Variants in PLEKHG1 observed in about 807,000 individuals in gnomAD.
PLEKHG1 encodes the protein pleckstrin homology domain-containing family G member 1.
PLEKHG1 carries 44 observed loss-of-function variants against 100.8 expected under a neutral mutation model. The ratio of observed to expected loss-of-function variants is 0.44; its 90% confidence interval spans 0.34 to 0.56. The LOEUF (loss-of-function observed/expected upper bound fraction) is 0.56, where lower values mean the gene tolerates loss of function less well. Ranked by LOEUF, PLEKHG1 falls within the 20% of genes least tolerant of loss-of-function variation. The pLI is 0.01. For synonymous variants in PLEKHG1, 640 were observed against 662.5 expected, an observed-to-expected ratio of 0.97 and a Z score of 0.52; for missense variants, 1,545 against 1,720.9, an observed-to-expected ratio of 0.90 and a Z score of 1.81.
At chr6:150,704,899 T>TAG (rs1463241413) in intron 3 of PLEKHG1, among the ~76,000 whole-genome samples, 4 of 152,210 alleles carry the variant, frequency 2.6e-5, no homozygotes, top group Non-Finnish European at 4.4e-5. Context: ...GGCTTTTGCA[T>TAG]AGAGAGAGAG....
At chr6:150,753,518 G>C (rs1359317520) in intron 2 of PLEKHG1, among the ~76,000 whole-genome samples, 3 of 152,110 alleles carry the variant, frequency 2.0e-5, no homozygotes, top group South Asian at 4.1e-4. Flanking sequence ...AGCAGCTGCC[G>C]ACCATAAATA....
intron 1 of PLEKHG1, among the ~76,000 whole-genome samples, chr6:150,619,837 G>A (rs533735599): frequency 1.4e-4 from 22 of 152,322 alleles, no homozygotes; most frequent in Non-Finnish European, 3.1e-4. Flanking sequence ...TCTCATAGGA[G>A]CACATGGTAA....
At chr6:150,730,232 G>A (rs74358788) in intron 1 of PLEKHG1, among the ~76,000 whole-genome samples, 14 of 150,970 alleles carry the variant, frequency 9.3e-5, no homozygotes, top group Admixed American at 6.6e-5. Flanking sequence ...ATCTGTAGGG[G>A]GTAGACCTTT....
chr6:150,804,707 T>C (rs1211664174), exon 7 of PLEKHG1: 1 of 1,613,880 alleles, frequency 6.2e-7, no homozygotes, highest in Admixed American at 1.7e-5. Flanking sequence ...ATCAATGACA[T>C]GAAGCGGAAA....
chr6:150,627,967 C>T (rs543610444), intron 1 of PLEKHG1, among the ~76,000 whole-genome samples: 2 of 152,312 alleles, frequency 1.3e-5, no homozygotes, highest in South Asian at 2.1e-4. Context: ...AGACTTCATT[C>T]TGTTTTAAGA....
At chr6:150,716,031 C>A (rs1385598427) in intron 3 of PLEKHG1, among the ~76,000 whole-genome samples, 1 of 148,880 alleles carries the variant, frequency 6.7e-6, no homozygotes, top group Non-Finnish European at 1.5e-5. Context: ...TGGCGTGAAC[C>A]CGGGAGGCGG....
At chr6:150,760,200 A>G (rs1583071511) in intron 2 of PLEKHG1, among the ~76,000 whole-genome samples, 1 of 152,206 alleles carries the variant, frequency 6.6e-6, no homozygotes, top group Middle Eastern at 3.4e-3. Context: ...TCAGTTTCTT[A>G]TTTTCAGATG....
chr6:150,779,060 C>T (rs1286324537), intron 3 of PLEKHG1, among the ~76,000 whole-genome samples: 3 of 152,092 alleles, frequency 2.0e-5, no homozygotes, highest in South Asian at 4.2e-4. Context: ...ATGACTGTGG[C>T]CATGCATTAT....
chr6:150,731,263 A>G (rs1322684965), intron 1 of PLEKHG1, among the ~76,000 whole-genome samples: 1 of 152,200 alleles, frequency 6.6e-6, no homozygotes, highest in Non-Finnish European at 1.5e-5. Context: ...TTTATAGGCC[A>G]TAAAGTTGTT....
chr6:150,603,007 G>C (rs1411045010), intron 1 of PLEKHG1, among the ~76,000 whole-genome samples: 1 of 149,814 alleles, frequency 6.7e-6, no homozygotes, highest in Non-Finnish European at 1.5e-5. Context: ...CGTGAACCCC[G>C]GGGGGCGGAG....
chr6:150,609,909 C>T (rs974820960), intron 1 of PLEKHG1, among the ~76,000 whole-genome samples: 2 of 152,148 alleles, frequency 1.3e-5, no homozygotes, highest in African/African-American at 4.8e-5. Flanking sequence ...CACCTGTTCA[C>T]GGTCGCCGTT....
At chr6:150,808,496 T>C (rs533062320) in intron 7 of PLEKHG1, among the ~76,000 whole-genome samples, 1 of 152,094 alleles carries the variant, frequency 6.6e-6, no homozygotes, top group Non-Finnish European at 1.5e-5. Flanking sequence ...ACTTCTATAA[T>C]CCCAGCACTT....
intron 2 of PLEKHG1, among the ~76,000 whole-genome samples, chr6:150,648,674 T>C (rs1250863467): frequency 6.6e-6 from 1 of 152,168 alleles, no homozygotes; most frequent in Non-Finnish European, 1.5e-5. Flanking sequence ...ATCAGATTTG[T>C]GCTGGCTTTA....
At chr6:150,676,594 A>G (rs561622961) in intron 3 of PLEKHG1, among the ~76,000 whole-genome samples, 1 of 152,300 alleles carries the variant, frequency 6.6e-6, no homozygotes, top group South Asian at 2.1e-4. Context: ...TCATGAGACA[A>G]GAACTTATTG....
At chr6:150,815,672 T>C (rs545485596) in intron 10 of PLEKHG1, among the ~76,000 whole-genome samples, 4 of 152,080 alleles carry the variant, frequency 2.6e-5, no homozygotes, top group Non-Finnish European at 5.9e-5. Context: ...GTGACTGTGT[T>C]GAGGCTCCCC....
chr6:150,636,743 A>G (rs1484897043), intron 1 of PLEKHG1, among the ~76,000 whole-genome samples: 3 of 152,212 alleles, frequency 2.0e-5, no homozygotes, highest in African/African-American at 7.2e-5. Flanking sequence ...TGTGAATAAG[A>G]GTTGACCCAT....
rs772901452 is a variant in PLEKHG1 at position 150,768,682 on chromosome 6, G to A, written c.456G>A (p.Gly152=). The change falls in exon 3 of 16, where the codon GGG becomes GGA. Residue 152 remains glycine, a synonymous_variant. Coordinates refer to ENST00000358517, the Ensembl canonical transcript of PLEKHG1. ...GGGACCAAACAAAACTTCCCCTGGG[G>A]ACCGAAGAAAGATCAGCCCTTTTTG... is the stretch of plus-strand genomic sequence containing the variant. 11 of 1,612,998 alleles carry A rather than the reference G, an allele frequency of 6.8e-6. No individual in the cohort carries two copies. In the South Asian group the frequency reaches 1.1e-4, roughly 16 times the overall value.
intron 3 of PLEKHG1, among the ~76,000 whole-genome samples, chr6:150,774,887 A>T (rs9478813): frequency 0.03 from 4,484 of 151,790 alleles, 214 homozygotes; most frequent in African/African-American, 0.1. Context: ...ATTAAAAAAA[A>T]TTTTTTTTCA....
chr6:150,705,922 T>C (rs1235193529), intron 3 of PLEKHG1, among the ~76,000 whole-genome samples: 2 of 152,218 alleles, frequency 1.3e-5, no homozygotes, highest in Non-Finnish European at 2.9e-5. Flanking sequence ...GATGAACTAA[T>C]GCCTCTAGGT....
Sources: allele counts gnomAD v4.1 joint callset (sites outside exome capture counted in the v4.1 genomes callset), GRCh38; gene constraint gnomAD v4.1.1; transcripts MANE v1.5; gene names NCBI Gene and HGNC (gene_info 2026-07-23, HGNC 2026-07-21).